The following PLXDC2 variants were observed in gnomAD, a reference collection of about 807,000 sequenced individuals.
PLXDC2 encodes the protein plexin domain-containing protein 2.
PLXDC2 carries 40 observed loss-of-function variants against 68.9 expected under a neutral mutation model. The ratio of observed to expected loss-of-function variants is 0.58; its 90% CI spans 0.45 to 0.76. The LOEUF (loss-of-function observed/expected upper bound fraction) is 0.76, where lower values mean the gene tolerates loss of function less well. Ranked by LOEUF, PLXDC2 falls within the 30% of genes least tolerant of loss-of-function variation. PLXDC2 has a pLI of 0.00. For missense variants in PLXDC2, 644 were observed against 661.9 expected (o/e 0.97, Z 0.30); for synonymous variants, 243 against 234.2 (o/e 1.04, Z -0.34).
At chr10:19,852,518 G>A (rs2131327478) in intron 1 of PLXDC2, among the ~76,000 whole-genome samples, 1 of 145,912 alleles carries the variant, frequency 6.9e-6, no homozygotes, top group Non-Finnish European at 1.5e-5. Flanking sequence ...TCTAAGTTCA[G>A]TGGAAAAGAT....
chr10:20,255,186 TG>T, intron 13 of PLXDC2, among the ~76,000 whole-genome samples: 1 of 60,498 alleles, frequency 1.7e-5, no homozygotes. Flanking sequence ...GGTGGATAGG[TG>T]GATGGATAGA....
At chr10:19,853,547 C>T (rs1003105638) in intron 1 of PLXDC2, among the ~76,000 whole-genome samples, 3 of 151,920 alleles carry the variant, frequency 2.0e-5, no homozygotes, top group Non-Finnish European at 2.9e-5. Flanking sequence ...TGGGGCACCA[C>T]CCCCAGCCTC....
intron 9 of PLXDC2, among the ~76,000 whole-genome samples, chr10:20,189,475 C>CTATA (rs1448305054): frequency 1.0e-4 from 1 of 9,610 alleles, no homozygotes; most frequent in Non-Finnish European, 2.3e-4. Context: ...GAAAGGTAGG[C>CTATA]CATATATATA....
chr10:20,082,074 A>AAAAAAAAAAAAAAAAAAT (rs1836576445), intron 4 of PLXDC2, among the ~76,000 whole-genome samples: 1 of 149,676 alleles, frequency 6.7e-6, no homozygotes, highest in East Asian at 1.9e-4. Flanking sequence ...CAAAAAAAAA[A>AAAAAAAAAAAAAAAAAAT]AACAGGAGAA....
chr10:19,980,353 G>A (rs1185683032), intron 1 of PLXDC2, among the ~76,000 whole-genome samples: 3 of 152,142 alleles, frequency 2.0e-5, no homozygotes, highest in Admixed American at 6.5e-5. Flanking sequence ...CATAGTCAAG[G>A]ATCAGTTATG....
intron 1 of PLXDC2, among the ~76,000 whole-genome samples, chr10:19,900,748 C>G (rs973484863): frequency 6.6e-6 from 1 of 151,884 alleles, no homozygotes; most frequent in African/African-American, 2.4e-5. Context: ...GTTTTTATCT[C>G]TCACCCCCGC....
chr10:20,056,416 T>G (rs759702633), intron 3 of PLXDC2, among the ~76,000 whole-genome samples: 48 of 152,200 alleles, frequency 3.2e-4, no homozygotes, highest in Non-Finnish European at 4.9e-4. Context: ...CATCTACCCC[T>G]GTCCTGCCGA....
intron 13 of PLXDC2, among the ~76,000 whole-genome samples, chr10:20,255,350 A>G (rs141726995): frequency 1.3e-5 from 2 of 152,286 alleles, no homozygotes; most frequent in African/African-American, 4.8e-5. Flanking sequence ...TTAAGGACAT[A>G]TGTCTTAAGT....
chr10:20,093,509 C>T (rs1483060497), intron 4 of PLXDC2, among the ~76,000 whole-genome samples: 1 of 152,118 alleles, frequency 6.6e-6, no homozygotes, highest in Non-Finnish European at 1.5e-5. Context: ...TAGCAGCAGT[C>T]TTTGGTGGCC....
chr10:19,889,180 G>T (rs1837902997), intron 1 of PLXDC2, among the ~76,000 whole-genome samples: 1 of 151,780 alleles, frequency 6.6e-6, no homozygotes, highest in African/African-American at 2.4e-5. Context: ...ATCATTTTGG[G>T]ACACGGTACA....
At chr10:20,112,970 G>A (rs1833577529) in intron 4 of PLXDC2, among the ~76,000 whole-genome samples, 1 of 152,172 alleles carries the variant, frequency 6.6e-6, no homozygotes. Flanking sequence ...TTTCATGGAA[G>A]AGTAGTTTGC....
At chr10:20,244,912 C>T (rs964895903) in intron 12 of PLXDC2, among the ~76,000 whole-genome samples, 5 of 152,110 alleles carry the variant, frequency 3.3e-5, no homozygotes, top group South Asian at 2.1e-4. Context: ...ATCAGGATTT[C>T]GAGACCAGCC....
At chr10:20,029,039 T>C (rs1290712823) in intron 2 of PLXDC2, among the ~76,000 whole-genome samples, 2 of 152,200 alleles carry the variant, frequency 1.3e-5, no homozygotes, top group Non-Finnish European at 2.9e-5. Flanking sequence ...AGTTGATTTC[T>C]GCCCTTTTTC....
intron 2 of PLXDC2, among the ~76,000 whole-genome samples, chr10:20,012,610 A>G (rs1313907253): frequency 1.3e-5 from 2 of 151,764 alleles, no homozygotes; most frequent in Non-Finnish European, 2.9e-5. Context: ...ATACGCGTCA[A>G]CCACCGCATC....
rs568859372 is a variant in PLXDC2 at position 19,910,349 on chromosome 10, G to C, written c.113-91426G>C. ...TTGTGACATGTAGTATGTGTTTCTC[G>C]CATTTTTCTAAGGAGTTTAAATGGA... On this transcript the variant is annotated intron_variant, in intron 1 of 13. Coordinates refer to ENST00000377252, the MANE Select transcript of PLXDC2 (RefSeq NM_032812.9). Among the ~76,000 whole-genome samples the C allele has an allele frequency of 7.2e-5, 11 of 151,862 alleles. No homozygotes were observed. In the South Asian group the frequency reaches 1.9e-3, roughly 26 times the overall value.
At chr10:19,845,186 A>C (rs929600762) in intron 1 of PLXDC2, among the ~76,000 whole-genome samples, 1 of 152,096 alleles carries the variant, frequency 6.6e-6, no homozygotes, top group African/African-American at 2.4e-5. Context: ...CCTTGCACCA[A>C]GTCTGAAATT....
At position 19,903,778 on chromosome 10, in the gene PLXDC2, T is replaced by C. The variant is rs758416468; in HGVS notation, c.112+86587T>C. On this transcript the variant is annotated intron_variant, in intron 1 of 13. Coordinates refer to ENST00000377252, the MANE Select transcript of PLXDC2 (RefSeq NM_032812.9). ...GCTCCATGAGGTTTGAGCTTAAGAT[T>C]GTCTATTTGTGCTCTTTCAGACTTT... Among the ~76,000 whole-genome samples the C allele has an allele frequency of 1.3e-4, 20 of 152,144 alleles. No homozygotes were observed. The Middle Eastern group carries it at 0.01, about 78-fold the overall frequency.
chr10:20,107,568 A>G (rs1327173046), intron 4 of PLXDC2, among the ~76,000 whole-genome samples: 2 of 152,164 alleles, frequency 1.3e-5, no homozygotes, highest in Non-Finnish European at 2.9e-5. Flanking sequence ...TTTACGAGAC[A>G]TTGTCCTAAG....
intron 6 of PLXDC2, among the ~76,000 whole-genome samples, chr10:20,157,366 C>T (rs1460963735): frequency 1.3e-5 from 2 of 152,146 alleles, no homozygotes; most frequent in African/African-American, 2.4e-5. Context: ...GGAACACATA[C>T]TATACAATCA....
Sources: gnomAD v4.1 joint callset for allele counts (sites outside exome capture counted in the v4.1 genomes callset) on GRCh38, gnomAD v4.1.1 for gene constraint, MANE v1.5 for transcripts, NCBI Gene and HGNC (gene_info 2026-07-23, HGNC 2026-07-21) for gene names.